Variants in COL4A6 observed in about 807,000 individuals in gnomAD.
The protein encoded by COL4A6 is collagen alpha-6(IV) chain.
Under a neutral mutation model 126.7 loss-of-function variants are expected in COL4A6, and 59 were observed. That is an observed-to-expected ratio of 0.47 (90% confidence interval 0.38 to 0.58). The LOEUF (loss-of-function observed/expected upper bound fraction) is 0.58. Ranked by LOEUF, COL4A6 falls within the 20% of genes least tolerant of loss-of-function variation. The pLI is 0.00. For missense variants in COL4A6, 1,285 were observed against 1,337.3 expected (o/e 0.96, Z 0.61); for synonymous variants, 547 against 496.6 (o/e 1.10, Z -1.35).
intron 2 of COL4A6, among the ~76,000 whole-genome samples, chrX:108,386,040 A>T (rs761813893): frequency 1.8e-5 from 2 of 111,637 alleles, no homozygotes; most frequent in East Asian, 5.7e-4. Flanking sequence ...CCTGCAAAGG[A>T]CATGAACTCA....
At chrX:108,403,710 C>T (rs1314768065) in intron 2 of COL4A6, among the ~76,000 whole-genome samples, 2 of 111,292 alleles carry the variant, frequency 1.8e-5, no homozygotes, top group African/African-American at 6.5e-5. Flanking sequence ...TTTTTCAACA[C>T]ATCATACATA....
intron 2 of COL4A6, among the ~76,000 whole-genome samples, chrX:108,349,816 C>T (rs1402277556): frequency 8.9e-6 from 1 of 111,853 alleles, no homozygotes; most frequent in Non-Finnish European, 1.9e-5. Context: ...AACATAAATA[C>T]AGATAATAGA....
rs528788486 is a variant in COL4A6, at chrX:108,301,155, C to T, written c.144+9593G>A. On this transcript the variant is annotated intron_variant, in intron 3 of 44. Coordinates refer to ENST00000334504, the MANE Select transcript of COL4A6 (RefSeq NM_033641.4). ...AGTAGACACCAAATTACTTCCCTGACATATACTTGGTAATTTCATCTCCAC... is the reference window on the plus strand; with the variant it reads ...AGTAGACACCAAATTACTTCCCTGATATATACTTGGTAATTTCATCTCCAC... Among the ~76,000 whole-genome samples, 27 of 112,215 alleles carry T rather than the reference C, an allele frequency of 2.4e-4. 1 individual carries two copies. In the South Asian group the frequency reaches 8.5e-3, roughly 35 times the overall value.
chrX:108,361,044 C>T (rs1285748775), intron 2 of COL4A6, among the ~76,000 whole-genome samples: 1 of 111,132 alleles, frequency 9.0e-6, no homozygotes, highest in Non-Finnish European at 1.9e-5. Context: ...TGATAGTCTA[C>T]AGGATATTGC....
intron 3 of COL4A6, among the ~76,000 whole-genome samples, chrX:108,226,190 T>C (rs2036161942): frequency 8.9e-6 from 1 of 112,648 alleles, no homozygotes; most frequent in South Asian, 3.7e-4. Context: ...TTGTCAGCAT[T>C]TAAATGAGTT....
chrX:108,310,716 T>C (rs762699551), intron 3 of COL4A6, 32 bp downstream of exon 3: 1 of 1,149,806 alleles, frequency 8.7e-7, no homozygotes. Flanking sequence ...CATGCCACTA[T>C]TTGTCTTTCA....
chrX:108,209,475 C>T (rs2035639124), intron 8 of COL4A6, among the ~76,000 whole-genome samples: 1 of 110,962 alleles, frequency 9.0e-6, no homozygotes, highest in Non-Finnish European at 1.9e-5. Flanking sequence ...TTTTCTTAAG[C>T]TGTTTCAAAA....
chrX:108,236,509 C>T (rs149116251), intron 3 of COL4A6, among the ~76,000 whole-genome samples: 13 of 111,575 alleles, frequency 1.2e-4, no homozygotes, highest in African/African-American at 4.2e-4. Flanking sequence ...GCCCTTGGGA[C>T]CCTACTCCAG....
At chrX:108,408,251 G>A (rs1369101356) in intron 2 of COL4A6, among the ~76,000 whole-genome samples, 1 of 111,110 alleles carries the variant, frequency 9.0e-6, no homozygotes, top group African/African-American at 3.3e-5. Flanking sequence ...GGGAGGCAGA[G>A]GTTGCTGTTT....
intron 3 of COL4A6, among the ~76,000 whole-genome samples, chrX:108,298,426 T>C (rs749130629): frequency 1.1e-3 from 125 of 112,062 alleles, no homozygotes; most frequent in Middle Eastern, 4.6e-3. Context: ...TTTCTGTCGC[T>C]TCTGCTCTGT....
At chrX:108,279,796 T>G (rs2037745550) in intron 3 of COL4A6, among the ~76,000 whole-genome samples, 2 of 111,817 alleles carry the variant, frequency 1.8e-5, no homozygotes, top group Non-Finnish European at 3.8e-5. Context: ...AAACTATCTC[T>G]CAGACCACAG....
chrX:108,344,429 TG>T (rs1479207664), intron 2 of COL4A6, among the ~76,000 whole-genome samples: 2 of 111,372 alleles, frequency 1.8e-5, no homozygotes, highest in East Asian at 5.6e-4. Context: ...TCATCCAACT[TG>T]GCAGAATCTC....
chrX:108,310,694 G>C lies in COL4A6; in HGVS notation c.144+54C>G, dbSNP rs758868869. On this transcript the variant is annotated intron_variant, in intron 3 of 44. Transcript: ENST00000334504. The stretch of plus-strand genomic sequence containing the variant: ...AAGCAGTTTATTTCTAAAGAAAACA[G>C]ATAACAGCTCCCATGCCACTATTTG... 27 of 1,050,437 alleles carry C rather than the reference G, an allele frequency of 2.6e-5. No individual in the cohort carries two copies. The African/African-American group carries it at 3.9e-4, about 15-fold the overall frequency. The allele number at this position is 1,050,437 out of a possible 1,213,427, so 86.6% of individuals were successfully genotyped here.
intron 2 of COL4A6, among the ~76,000 whole-genome samples, chrX:108,350,742 T>A (rs1036595797): frequency 3.7e-5 from 4 of 107,232 alleles, no homozygotes; most frequent in African/African-American, 1.4e-4. Flanking sequence ...TTGCCACACA[T>A]CCCACTCTCC....
chrX:108,300,366 C>CTCTGTGTG (rs1337028378), intron 3 of COL4A6, among the ~76,000 whole-genome samples: 14 of 98,174 alleles, frequency 1.4e-4, no homozygotes, highest in African/African-American at 4.9e-4. Context: ...CTCTCTCTCT[C>CTCTGTGTG]TGTGTGTGTG....
At chrX:108,387,898 T>A (rs772371867) in intron 2 of COL4A6, among the ~76,000 whole-genome samples, 341 of 111,947 alleles carry the variant, frequency 3.0e-3, no homozygotes, top group African/African-American at 0.011. Flanking sequence ...CCATCAATAC[T>A]TAGTTCATTG....
chrX:108,318,181 T>G (rs745518395), intron 2 of COL4A6, among the ~76,000 whole-genome samples: 3,296 of 111,357 alleles, frequency 0.03, 119 homozygotes, highest in African/African-American at 0.1. Context: ...CAACCCTTCA[T>G]GCTAAAAACT....
intron 2 of COL4A6, among the ~76,000 whole-genome samples, chrX:108,371,022 C>A (rs1030244612): frequency 4.5e-5 from 5 of 110,514 alleles, no homozygotes; most frequent in African/African-American, 1.6e-4. Context: ...TCTTCTGTGA[C>A]ATTTTCCTGA....
At chrX:108,189,420 C>A (rs951493060) in intron 20 of COL4A6, among the ~76,000 whole-genome samples, 1 of 111,831 alleles carries the variant, frequency 8.9e-6, no homozygotes, top group Non-Finnish European at 1.9e-5. Context: ...TAATAACCTC[C>A]CCTGGGTGAT....
Sources: gnomAD v4.1 joint callset for allele counts (sites outside exome capture counted in the v4.1 genomes callset) on GRCh38, gnomAD v4.1.1 for gene constraint, MANE v1.5 for transcripts, NCBI Gene and HGNC (gene_info 2026-07-23, HGNC 2026-07-21) for gene names.